The following CCDC158 variants were observed in gnomAD, a reference collection of about 807,000 sequenced individuals.
CCDC158 encodes coiled-coil domain containing 158.
A neutral mutation model predicts 138.6 loss-of-function variants in CCDC158; 116 were observed. That is an observed-to-expected ratio of 0.84 (90% CI 0.72 to 0.98). The LOEUF (loss-of-function observed/expected upper bound fraction) is 0.98. CCDC158 is among the 50% of genes least tolerant of loss of function. The pLI is 0.00. For missense variants in CCDC158, 1,265 were observed against 1,306.1 expected, an observed-to-expected ratio of 0.97 and a Z score of 0.48; for synonymous variants, 436 against 442.4, an observed-to-expected ratio of 0.99 and a Z score of 0.18.
At chr4:76,336,951 A>AT (rs1335613617) in intron 18 of CCDC158, among the ~76,000 whole-genome samples, 2 of 152,234 alleles carry the variant, frequency 1.3e-5, no homozygotes, top group African/African-American at 4.8e-5. Context: ...TATACCTTGT[A>AT]TTTTTGGGTA....
chr4:76,387,357 A>G (rs1020083105), intron 4 of CCDC158, among the ~76,000 whole-genome samples: 2 of 152,092 alleles, frequency 1.3e-5, no homozygotes, highest in Admixed American at 1.3e-4. Flanking sequence ...GAAGGGAAGA[A>G]CACAGTCCTG....
At chr4:76,367,940 G>T (rs1398926180) in intron 11 of CCDC158, among the ~76,000 whole-genome samples, 164 bp from the exon 12 acceptor site, 1 of 149,772 alleles carries the variant, frequency 6.7e-6, no homozygotes, top group Non-Finnish European at 1.5e-5. Flanking sequence ...TGTTCCCTAG[G>T]TTGGTCTTCT....
chr4:76,381,146 A>T (rs1726202446), intron 8 of CCDC158, among the ~76,000 whole-genome samples: 1 of 152,020 alleles, frequency 6.6e-6, no homozygotes, highest in African/African-American at 2.4e-5. Flanking sequence ...TGGGGTTGGA[A>T]CCCCCACACA....
rs190847850 is a variant in CCDC158, at chr4:76,415,423, G to A, written c.-116-3291C>T. Among the ~76,000 whole-genome samples, 403 of 152,136 alleles carry A rather than the reference G, an allele frequency of 2.6e-3. 2 individuals carry two copies. Among genetic ancestry groups the A allele is most frequent in the African/African-American group, 8.7e-3 (360 of 41,482 alleles). The stretch of plus-strand genomic sequence containing the variant: ...CATTTTCTGGGGAGAAATTCAAGCC[G>A]GCTGCAGAAATTTGCATAAGTAGCA... On this transcript the variant is annotated intron_variant, in intron 1 of 24. Transcript: ENST00000682701.
chr4:76,324,168 G>T (rs1269480082), intron 23 of CCDC158, among the ~76,000 whole-genome samples: 1 of 151,448 alleles, frequency 6.6e-6, no homozygotes, highest in African/African-American at 2.4e-5. Context: ...CAGTTTAAGA[G>T]AATGAGAAAC....
Position 76,331,349 on chromosome 4 carries a change from A to T in CCDC158, c.2937T>A (p.Leu979=), listed in dbSNP as rs373587869. The change falls in exon 21 of 25, where the codon CTT becomes CTA. Residue 979 remains leucine (L), a synonymous_variant. Transcript: ENST00000682701. ...STEGSKSSET[L]SREPVTLHAG... is the part of the protein sequence containing the mutation. The stretch of plus-strand genomic sequence containing the variant: ...TGGGGGCTGGTATTTCCTACCTACT[A>T]AGAGTTTCACTTGATTTGCTTCCTT... 1 of 1,613,640 alleles carries T rather than the reference A, an allele frequency of 6.2e-7. No individual in the cohort carries two copies. Among genetic ancestry groups the T allele is most frequent in the Non-Finnish European group, 8.5e-7 (1 of 1,179,682 alleles).
chr4:76,383,056 T>G (rs1277910836), intron 7 of CCDC158, among the ~76,000 whole-genome samples: 2 of 152,226 alleles, frequency 1.3e-5, no homozygotes, highest in African/African-American at 2.4e-5. Flanking sequence ...GTATTCACAC[T>G]AAATTGTAGA....
intron 1 of CCDC158, among the ~76,000 whole-genome samples, chr4:76,413,684 C>G (rs1231006542): frequency 6.6e-6 from 1 of 151,988 alleles, no homozygotes; most frequent in Non-Finnish European, 1.5e-5. Context: ...TGGCAACTGC[C>G]ACTGGTATTC....
intron 13 of CCDC158, among the ~76,000 whole-genome samples, chr4:76,360,989 A>C (rs1578970892): frequency 6.6e-6 from 1 of 152,196 alleles, no homozygotes; most frequent in East Asian, 1.9e-4. Flanking sequence ...CCAGTGTTGG[A>C]GGAGGGGCCT....
At chr4:76,364,218 G>A (rs749912348) in intron 12 of CCDC158, among the ~76,000 whole-genome samples, 12 of 151,984 alleles carry the variant, frequency 7.9e-5, no homozygotes, top group Admixed American at 1.3e-4. Flanking sequence ...CCTGTCCCTC[G>A]CCCCTCATAC....
In CCDC158 at chr4:76,331,411, T is replaced by C. The variant is rs1560791779; in HGVS notation, c.2883-8A>G. 6.2e-7 allele frequency: 1 copy of C among 1,612,548 alleles called. No homozygotes were observed. Among genetic ancestry groups the C allele is most frequent in the Non-Finnish European group, 8.5e-7 (1 of 1,178,776 alleles). ...CTCAACGAGTTGTTGCTTCTGTTGG[T>C]AGAGGGATGGGAGAAATCACAGTTT... On this transcript the variant is annotated splice_region_variant and splice_polypyrimidine_tract_variant and intron_variant, in intron 20 of 24. Transcript: ENST00000682701.
upstream of CCDC158, chr4:76,421,835 C>A (rs1730150790): frequency 6.6e-6 from 1 of 152,184 alleles, no homozygotes; most frequent in Admixed American, 6.5e-5. Context: ...TTGTTCCCTC[C>A]GCTGTGCTAC....
Position 76,345,641 on chromosome 4 carries a change from C to A in CCDC158, c.2664+5355G>T. 4 of 792,580 alleles carry A rather than the reference C, an allele frequency of 5.0e-6. No homozygotes were observed. The South Asian group carries it at 5.5e-5, about 11-fold the overall frequency. 49.1% of individuals were successfully genotyped at this position (792,580 alleles called of 1,614,324 possible). A position where few individuals can be genotyped will look rare whatever the true frequency, so the allele number is the denominator to read the frequency against. On this transcript the variant is annotated intron_variant, in intron 18 of 24. Transcript: ENST00000682701. Reference sequence around the variant, plus strand: ...ATGAATGTGAAAGAAAGCCAAGCATCACTTGCACTTAAATCATTACCATGG... The same window carrying A: ...ATGAATGTGAAAGAAAGCCAAGCATAACTTGCACTTAAATCATTACCATGG...
chr4:76,399,922 C>T (rs1406769627), intron 3 of CCDC158, among the ~76,000 whole-genome samples: 1 of 152,104 alleles, frequency 6.6e-6, no homozygotes, highest in Non-Finnish European at 1.5e-5. Context: ...GAAGCTGACT[C>T]TTCCATTGAG....
chr4:76,347,255 T>C (rs772761921), intron 18 of CCDC158, among the ~76,000 whole-genome samples: 2 of 152,050 alleles, frequency 1.3e-5, no homozygotes, highest in Non-Finnish European at 2.9e-5. Flanking sequence ...CTATTCACAA[T>C]AGCAAAGACT....
intron 10 of CCDC158, among the ~76,000 whole-genome samples, chr4:76,370,112 A>G (rs1275726474): frequency 6.6e-6 from 1 of 152,242 alleles, no homozygotes. Context: ...CTTAAAAAAT[A>G]CATAGTGTTG....
intron 18 of CCDC158, among the ~76,000 whole-genome samples, chr4:76,336,205 A>G (rs900311037): frequency 1.8e-3 from 272 of 150,864 alleles, no homozygotes; most frequent in African/African-American, 6.4e-3. Flanking sequence ...AAAAAAAAAA[A>G]AAAACCATTC....
At chr4:76,345,964 G>A (rs927156215) in intron 18 of CCDC158, among the ~76,000 whole-genome samples, 2 of 152,114 alleles carry the variant, frequency 1.3e-5, no homozygotes, top group Non-Finnish European at 2.9e-5. Context: ...CAAAGCTGGA[G>A]GCATCATGCT....
intron 18 of CCDC158, among the ~76,000 whole-genome samples, chr4:76,347,872 T>A (rs1340974544): frequency 6.6e-6 from 1 of 151,868 alleles, no homozygotes; most frequent in Non-Finnish European, 1.5e-5. Flanking sequence ...TCGGAGGGGA[T>A]TCAAATCATA....
Sources: gnomAD v4.1 joint callset for allele counts (sites outside exome capture counted in the v4.1 genomes callset) on GRCh38, gnomAD v4.1.1 for gene constraint, MANE v1.5 for transcripts, NCBI Gene and HGNC (gene_info 2026-07-23, HGNC 2026-07-21) for gene names.